The following SP9 variants were observed in gnomAD, a reference collection of about 807,000 sequenced individuals.
SP9 encodes transcription factor Sp9.
Under a neutral mutation model 23.0 loss-of-function variants are expected in SP9, and 5 were observed. That is an observed-to-expected ratio of 0.22 (90% CI 0.11 to 0.46). The LOEUF (loss-of-function observed/expected upper bound fraction) is 0.46, where lower values mean the gene tolerates loss of function less well. SP9 is among the 20% of genes least tolerant of loss of function. The pLI, the probability that SP9 is intolerant of heterozygous loss-of-function variation, is 0.99. For synonymous variants in SP9, 360 were observed against 356.5 expected, an observed-to-expected ratio of 1.01 and a Z score of -0.11; for missense variants, 542 against 724.0, an observed-to-expected ratio of 0.75 and a Z score of 2.88.
intron 1 of SP9, 23 bp downstream of exon 1, chr2:174,335,136 C>A (rs1684384195): frequency 6.4e-7 from 1 of 1,551,646 alleles, no homozygotes; most frequent in Admixed American, 2.0e-5. Context: ...CGCGGCAACG[C>A]ATTTGCTTGT....
rs1182014765 is a variant in SP9 at position 174,337,446 on chromosome 2, G to GGGCGGC, written c.1365_1370dup (p.Ala469_Ala470dup). The stretch of plus-strand genomic sequence containing the variant: ...CATGACTCCGGCGTCAGTGCCGCCC[G>GGGCGGC]GGCGGCGGCAGCGGCGGCGGCGGCA... On this transcript the variant is annotated inframe_insertion, in exon 2 of 2. Transcript: ENST00000394967. 2 of 1,314,438 alleles carry GGGCGGC rather than the reference G, an allele frequency of 1.5e-6. No individual in the cohort carries two copies. The highest frequency in any genetic ancestry group is 1.5e-5 in the African/African-American group (1 of 64,892). The allele number at this position is 1,314,438 out of a possible 1,614,324, so 81.4% of individuals were successfully genotyped here. A position where few individuals can be genotyped will look rare whatever the true frequency, so the allele number is the denominator to read the frequency against.
Position 174,338,477 on chromosome 2 carries a change from A to T in SP9, c.*937A>T, listed in dbSNP as rs1013804817. On this transcript the variant is annotated 3_prime_UTR_variant, in exon 2 of 2. Coordinates refer to ENST00000394967, the MANE Select transcript of SP9 (RefSeq NM_001145250.2). ...CTTGACATCATATTTTCATTTTGGT[A>T]TTATTAAAGGACTCTGAACAATACA... The T allele has an allele frequency of 1.3e-5, 2 of 152,186 alleles. No homozygotes were observed. The highest frequency in any genetic ancestry group is 4.8e-5 in the African/African-American group (2 of 41,452). The allele number at this position is 152,186 out of a possible 1,614,324, so 9.4% of individuals were successfully genotyped here. A position where few individuals can be genotyped will look rare whatever the true frequency, so the allele number is the denominator to read the frequency against.
chr2:174,337,269 C>A lies in SP9; in HGVS notation c.1184C>A (p.Pro395Gln), dbSNP rs1159851267. The A allele has an allele frequency of 6.4e-7, 1 of 1,563,040 alleles. No homozygotes were observed. Among genetic ancestry groups the A allele is most frequent in the Non-Finnish European group, 8.7e-7 (1 of 1,153,882 alleles). The change falls in exon 2 of 2, where the codon CCG becomes CAG. Residue 395 changes from proline (P) to glutamine (Q), a missense_variant. Coordinates refer to ENST00000394967, the MANE Select transcript of SP9 (RefSeq NM_001145250.2). ...THTGEKRFAC[P>Q]VCNKRFMRSD... Reference sequence around the variant, plus strand: ...ACGGGCGAGAAGCGCTTCGCCTGTCCGGTGTGCAACAAGCGCTTCATGCGC... The same window carrying A: ...ACGGGCGAGAAGCGCTTCGCCTGTCAGGTGTGCAACAAGCGCTTCATGCGC...
intron 1 of SP9, 42 bp downstream of exon 1, chr2:174,335,155 G>A (rs1684384697): frequency 6.4e-7 from 1 of 1,551,326 alleles, no homozygotes. Flanking sequence ...GTTTTAACCG[G>A]AGTAATTTTT....
At chr2:174,335,392 C>G (rs568192007) in intron 1 of SP9, 115 of 483,028 alleles carry the variant, frequency 2.4e-4, no homozygotes, top group Non-Finnish European at 3.8e-4. Flanking sequence ...TATACCCCAT[C>G]CCCCGCATTG....
At position 174,337,703 on chromosome 2, in the gene SP9, G is replaced by A. The variant is rs535496164; in HGVS notation, c.*163G>A. On this transcript the variant is annotated 3_prime_UTR_variant, in exon 2 of 2. Coordinates refer to ENST00000394967, the MANE Select transcript of SP9 (RefSeq NM_001145250.2). ...GAGCCGCTCAGGGCTCCCGGGCTGC[G>A]GTTCGCCCGCTGTGCGAGGAGCTCC... 2.3e-5 allele frequency: 21 copies of A among 914,162 alleles called. No individual in the cohort carries two copies. Among genetic ancestry groups the A allele is most frequent in the African/African-American group, 1.4e-4 (8 of 55,646 alleles). The allele number at this position is 914,162 out of a possible 1,614,324, so 56.6% of individuals were successfully genotyped here. A position where few individuals can be genotyped will look rare whatever the true frequency, so the allele number is the denominator to read the frequency against.
Position 174,337,269 on chromosome 2 carries a change from C to G in SP9, c.1184C>G (p.Pro395Arg). 1.9e-6 allele frequency: 3 copies of G among 1,563,040 alleles called. No individual in the cohort carries two copies. The highest frequency in any genetic ancestry group is 1.4e-5 in the African/African-American group (1 of 73,580). ...THTGEKRFAC[P>R]VCNKRFMRSD... ...ACGGGCGAGAAGCGCTTCGCCTGTC[C>G]GGTGTGCAACAAGCGCTTCATGCGC... The change falls in exon 2 of 2, where the codon CCG becomes CGG. Residue 395 changes from proline to arginine, a missense_variant. Pro to Arg is a moderately radical substitution (Grantham distance 103). Around this residue, in one of 8 missense-constraint regions of SP9, gnomAD observed 31 missense variants for 16.7 expected, o/e 1.85. Coordinates refer to ENST00000394967, the MANE Select transcript of SP9 (RefSeq NM_001145250.2).
At chr2:174,335,260 A>AT (rs1449182124) in intron 1 of SP9, 147 bp downstream of exon 1, 7 of 866,856 alleles carry the variant, frequency 8.1e-6, no homozygotes, top group Non-Finnish European at 1.2e-5. Flanking sequence ...TCTGGGACTG[A>AT]TTTTTCCCCA....
In SP9 at chr2:174,337,525, C is replaced by G; in HGVS notation, c.1440C>G (p.Gly480=). The change falls in exon 2 of 2, where the codon GGC becomes GGG. Residue 480 remains glycine, a synonymous_variant. Coordinates refer to ENST00000394967, the MANE Select transcript of SP9 (RefSeq NM_001145250.2). ...CGGGAGGCAAGGAAGCAGCGTCTGG[C>G]CCCAACGACTCTTAGAGGCCGGGCG... The part of the protein sequence containing the change: ...ASAGGKEAAS[G]PNDS 4.3e-6 allele frequency: 5 copies of G among 1,172,574 alleles called. No homozygotes were observed. The highest frequency in any genetic ancestry group is 5.3e-6 in the Non-Finnish European group (5 of 947,682). The allele number at this position is 1,172,574 out of a possible 1,614,324, so 72.6% of individuals were successfully genotyped here.
rs371429718 is a variant in SP9, at chr2:174,334,997, G to T, written c.-96G>T. On this transcript the variant is annotated 5_prime_UTR_variant, in exon 1 of 2. Transcript: ENST00000394967. ...CCTGGAGTCCGCTCGGCACGAGCGC[G>T]GGGACGCGGGAGCCGCGCGGGACCC... is the stretch of plus-strand genomic sequence containing the variant. The T allele has an allele frequency of 2.8e-6, 4 of 1,421,522 alleles. No individual in the cohort carries two copies. Among genetic ancestry groups the T allele is most frequent in the Admixed American group, 2.0e-5 (1 of 49,402 alleles). The allele number at this position is 1,421,522 out of a possible 1,614,324, so 88.1% of individuals were successfully genotyped here. A position where few individuals can be genotyped will look rare whatever the true frequency, so the allele number is the denominator to read the frequency against.
chr2:174,336,574 C>T lies in SP9; in HGVS notation c.489C>T (p.Phe163=), dbSNP rs1407933701. Reference sequence around the variant, plus strand: ...ACGAGTCCTGGTACAAGTCGGGCTTCCATTCGACGCTGGCGGCCGGCGAGG... The same window carrying T: ...ACGAGTCCTGGTACAAGTCGGGCTTTCATTCGACGCTGGCGGCCGGCGAGG... ...HPYESWYKSG[F]HSTLAAGEVT... is the part of the protein sequence containing the mutation. The change falls in exon 2 of 2, where the codon TTC becomes TTT. Residue 163 remains phenylalanine (F), a synonymous_variant. Coordinates refer to ENST00000394967, the MANE Select transcript of SP9 (RefSeq NM_001145250.2). The T allele has an allele frequency of 7.0e-7, 1 of 1,426,542 alleles. No homozygotes were observed. Among genetic ancestry groups the T allele is most frequent in the East Asian group, 2.9e-5 (1 of 34,918 alleles). The allele number at this position is 1,426,542 out of a possible 1,614,324, so 88.4% of individuals were successfully genotyped here.
chr2:174,336,035 G>C (rs1684404726), intron 1 of SP9, 72 bp from the exon 2 acceptor site: 1 of 1,426,568 alleles, frequency 7.0e-7, no homozygotes, highest in East Asian at 2.6e-5. Flanking sequence ...GCTCACGGGT[G>C]CACTTTGTTT....
chr2:174,337,209 G>T lies in SP9; in HGVS notation c.1124G>T (p.Arg375Leu). The change falls in exon 2 of 2, where the codon CGC becomes CTC. Residue 375 changes from arginine (R) to leucine (L), a missense_variant. Transcript: ENST00000394967. ...CTCTTCTGCGGCAAGCGCTTCACGC[G>T]CTCGGACGAGCTGCAGCGGCATCTG... ...NWLFCGKRFT[R>L]SDELQRHLRT... 1 of 1,597,420 alleles carries T rather than the reference G, an allele frequency of 6.3e-7. No individual in the cohort carries two copies.
At position 174,336,412 on chromosome 2, in the gene SP9, C is replaced by T. The variant is rs1684413400; in HGVS notation, c.327C>T (p.Phe109=). The T allele has an allele frequency of 6.8e-7, 1 of 1,480,254 alleles. No homozygotes were observed. Among genetic ancestry groups the T allele is most frequent in the South Asian group, 1.3e-5 (1 of 77,258 alleles). The allele number at this position is 1,480,254 out of a possible 1,614,324, so 91.7% of individuals were successfully genotyped here. Residue 109 remains phenylalanine, a synonymous_variant, in exon 2 of 2, where the codon TTC becomes TTT. Transcript: ENST00000394967. ...SAFSSDYGGL[F]SNSAAAAAAA... ...TCAGCAGCGACTACGGCGGCCTCTT[C>T]TCCAACTCGGCGGCTGCCGCGGCGG... is the stretch of plus-strand genomic sequence containing the variant.
Position 174,336,310 on chromosome 2 carries a change from G to C in SP9, c.225G>C (p.Ser75=), listed in dbSNP as rs993989241. 1 of 1,504,450 alleles carries C rather than the reference G, an allele frequency of 6.6e-7. No homozygotes were observed. The allele number at this position is 1,504,450 out of a possible 1,614,324, so 93.2% of individuals were successfully genotyped here. The part of the protein sequence containing the change: ...GFAVATGGRG[S]GGLAGGSGAA... ...CGGTGGCCACCGGGGGCCGTGGCTC[G>C]GGCGGCCTGGCGGGCGGCTCGGGCG... Residue 75 remains serine, a synonymous_variant, in exon 2 of 2, where the codon TCG becomes TCC. Coordinates refer to ENST00000394967, the MANE Select transcript of SP9 (RefSeq NM_001145250.2).
In SP9 at chr2:174,336,767, A is replaced by C; in HGVS notation, c.682A>C (p.Thr228Pro). The C allele has an allele frequency of 6.5e-7, 1 of 1,533,394 alleles. No individual in the cohort carries two copies. Among genetic ancestry groups the C allele is most frequent in the South Asian group, 1.2e-5 (1 of 83,588 alleles). The allele number at this position is 1,533,394 out of a possible 1,614,324, so 95.0% of individuals were successfully genotyped here. ...CTACAACCCCGACTTCAGCTCGCTC[A>C]CGCACTCCGCCTTCAGCTCCACGGG... The part of the protein sequence containing the change: ...GTYNPDFSSL[T>P]HSAFSSTGLG... Residue 228 changes from threonine to proline, a missense_variant, in exon 2 of 2, where the codon ACG (threonine) becomes CCG (proline). Around this residue, in one of 8 missense-constraint regions of SP9, gnomAD observed 144 missense variants for 158.7 expected, o/e 0.91. Coordinates refer to ENST00000394967, the MANE Select transcript of SP9 (RefSeq NM_001145250.2).
At position 174,336,504 on chromosome 2, in the gene SP9, C is replaced by T; in HGVS notation, c.419C>T (p.Thr140Met). Reference sequence around the variant, plus strand: ...GCCTTCATTTCCAAGGTGCACACGACGGCAGCCGACGGGCTGTACCCGCGC... The same window carrying T: ...GCCTTCATTTCCAAGGTGCACACGATGGCAGCCGACGGGCTGTACCCGCGC... Reference protein sequence around the residue: ...QSAFISKVHTTAADGLYPRVG... With the variant: ...QSAFISKVHTMAADGLYPRVG... The change falls in exon 2 of 2, where the codon ACG (threonine) becomes ATG (methionine). Residue 140 changes from threonine (T) to methionine (M), a missense_variant. Thr to Met is a moderately conservative substitution (Grantham distance 81). Around this residue, in one of 8 missense-constraint regions of SP9, gnomAD observed 201 missense variants for 226.3 expected, o/e 0.89. Transcript: ENST00000394967. The T allele has an allele frequency of 6.8e-7, 1 of 1,469,208 alleles. No homozygotes were observed. Among genetic ancestry groups the T allele is most frequent in the Non-Finnish European group, 9.0e-7 (1 of 1,113,918 alleles). 91.0% of individuals were successfully genotyped at this position (1,469,208 alleles called of 1,614,324 possible).
chr2:174,336,698 C>T lies in SP9; in HGVS notation c.613C>T (p.His205Tyr). 6.6e-7 allele frequency: 1 copy of T among 1,522,046 alleles called. No homozygotes were observed. The highest frequency in any genetic ancestry group is 8.8e-7 in the Non-Finnish European group (1 of 1,140,990). 94.3% of individuals were successfully genotyped at this position (1,522,046 alleles called of 1,614,324 possible). The change falls in exon 2 of 2, where the codon CAC (histidine) becomes TAC (tyrosine). Residue 205 changes from histidine to tyrosine, a missense_variant. This residue lies in a region of SP9 where 144 missense variants were observed against 158.7 expected (regional missense o/e 0.91). Transcript: ENST00000394967. ...CGCTGGGGGGCTCCAGAGCTCGCTG[C>T]ACTCGGGCGCCCCCCAGGCCTCGCT... ...NPAGGLQSSL[H>Y]SGAPQASLHS...
chr2:174,335,041 G>C lies in SP9; in HGVS notation c.-52G>C, dbSNP rs939714461. On this transcript the variant is annotated 5_prime_UTR_variant, in exon 1 of 2. Coordinates refer to ENST00000394967, the MANE Select transcript of SP9 (RefSeq NM_001145250.2). ...GGGACCCAAGCAGTTTTTCCGAGCA[G>C]CCGCCAGGCTCAGCCCCGCTCCCAG... 5.3e-5 allele frequency: 82 copies of C among 1,544,994 alleles called. No homozygotes were observed. The Middle Eastern group carries it at 5.3e-4, about 10-fold the overall frequency.
Sources: allele counts gnomAD v4.1 joint callset, GRCh38; gene constraint gnomAD v4.1.1; regional missense constraint gnomAD v4.1.1; transcripts MANE v1.5; gene names NCBI Gene and HGNC (gene_info 2026-07-23, HGNC 2026-07-21).